The following PORCN variants were observed in gnomAD, a reference collection of about 807,000 sequenced individuals.
PORCN encodes porcupine O-acyltransferase.
A neutral mutation model predicts 43.0 loss-of-function variants in PORCN; 1 was observed. The ratio of observed to expected loss-of-function variants is 0.02; its 90% CI spans 0.01 to 0.11. PORCN has a LOEUF of 0.11. Among genes scored for constraint, PORCN ranks in the 10% least tolerant of loss-of-function variants. The pLI is 1.00. For synonymous variants in PORCN, 148 were observed against 166.4 expected (o/e 0.89, Z 0.85); for missense variants, 240 against 392.1 (o/e 0.61, Z 3.28).
Position 48,520,703 on chromosome X carries a change from G to A in PORCN, c.*227G>A. 2 of 430,976 alleles carry A rather than the reference G, an allele frequency of 4.6e-6. No homozygotes were observed. Among genetic ancestry groups the A allele is most frequent in the Non-Finnish European group, 8.2e-6 (2 of 243,355 alleles). The allele number at this position is 430,976 out of a possible 1,213,427, so 35.5% of individuals were successfully genotyped here. A position where few individuals can be genotyped will look rare whatever the true frequency, so the allele number is the denominator to read the frequency against. ...GGTGGTGCCTGCTGGGGCCTAGAGG[G>A]GGATGCTTGGGGAAACAGAGAAGGG... is the stretch of plus-strand genomic sequence containing the variant. On this transcript the variant is annotated 3_prime_UTR_variant, in exon 15 of 15. Transcript: ENST00000326194.
chrX:48,514,342 C>T lies in PORCN; in HGVS notation c.822C>T (p.Thr274=), dbSNP rs782496390. 8 of 1,209,938 alleles carry T rather than the reference C, an allele frequency of 6.6e-6. No individual in the cohort carries two copies. The highest frequency in any genetic ancestry group is 7.8e-6 in the Non-Finnish European group (7 of 894,976). ...CCACGTTGGCGGGGGCTGGCTTTACCGAGGAGAAGGATCACCTGGAATGGT... is the reference window on the plus strand; with the variant it reads ...CCACGTTGGCGGGGGCTGGCTTTACTGAGGAGAAGGATCACCTGGAATGGT... ...ATATLAGAGF[T]EEKDHLEWDL... is the part of the protein sequence containing the mutation. The change falls in exon 9 of 15, where the codon ACC becomes ACT. Residue 274 remains threonine (T), a synonymous_variant. Coordinates refer to ENST00000326194, the MANE Select transcript of PORCN (RefSeq NM_203475.3).
At chrX:48,516,773 A>T (rs1459890703) in intron 13 of PORCN, among the ~76,000 whole-genome samples, 1 of 110,345 alleles carries the variant, frequency 9.1e-6, no homozygotes, top group African/African-American at 3.3e-5. Flanking sequence ...AGGAGGGGAG[A>T]TGGGTGGGAG....
chrX:48,515,215 G>A (rs908455032), intron 10 of PORCN, among the ~76,000 whole-genome samples: 1 of 112,228 alleles, frequency 8.9e-6, no homozygotes, highest in Admixed American at 9.4e-5. Flanking sequence ...TGAGAGCCAC[G>A]GCAGGGCTCT....
chrX:48,511,521 G>A, intron 3 of PORCN, 34 bp downstream of exon 3: 2 of 1,156,920 alleles, frequency 1.7e-6, no homozygotes, highest in South Asian at 1.8e-5. Context: ...CACACTGTTG[G>A]CTGAAGTGCA....
chrX:48,518,036 G>A lies in PORCN; in HGVS notation c.1284+743G>A, dbSNP rs782258067. Among the ~76,000 whole-genome samples the A allele has an allele frequency of 3.4e-4, 37 of 108,203 alleles. No individual in the cohort carries two copies. The East Asian group carries it at 8.4e-3, about 25-fold the overall frequency. 94.0% of individuals were successfully genotyped at this position (108,203 alleles called of 115,157 possible). A position where few individuals can be genotyped will look rare whatever the true frequency, so the allele number is the denominator to read the frequency against. On this transcript the variant is annotated intron_variant, in intron 14 of 14. Transcript: ENST00000326194. ...CCATCCTTCTGCCTCAACCTCCTGAGTAGCTGGGACTACAGGTGCATGACA... is the reference window on the plus strand; with the variant it reads ...CCATCCTTCTGCCTCAACCTCCTGAATAGCTGGGACTACAGGTGCATGACA...
At position 48,519,952 on chromosome X, in the gene PORCN, G is replaced by A. The variant is rs1442337088; in HGVS notation, c.1285-423G>A. ...GTAGAGGTTGCAGTGAGCTCAGATC[G>A]TGCCACTGCACTCAAGCCTGGGTGA... is the stretch of plus-strand genomic sequence containing the variant. On this transcript the variant is annotated intron_variant, in intron 14 of 14. Transcript: ENST00000326194. 8.9e-5 allele frequency among the ~76,000 whole-genome samples: 10 copies of A among 112,167 alleles called. 1 individual carries two copies. Among genetic ancestry groups the A allele is most frequent in the Admixed American group, 7.5e-4 (8 of 10,633 alleles).
rs1387190633 is a variant in PORCN at position 48,510,298 on chromosome X, C to T, written c.136+342C>T. Among the ~76,000 whole-genome samples, 4 of 112,093 alleles carry T rather than the reference C, an allele frequency of 3.6e-5. 1 individual carries two copies. Among genetic ancestry groups the T allele is most frequent in the African/African-American group, 1.3e-4 (4 of 30,873 alleles). On this transcript the variant is annotated intron_variant, in intron 2 of 14. Coordinates refer to ENST00000326194, the MANE Select transcript of PORCN (RefSeq NM_203475.3). ...ACATCCCAAGGTTATAAGACATTGG[C>T]ATGCTGATGTCACAGGGTTATGGAA...
intron 2 of PORCN, among the ~76,000 whole-genome samples, chrX:48,510,694 C>T (rs2061668138): frequency 8.9e-6 from 1 of 112,277 alleles, no homozygotes; most frequent in South Asian, 3.7e-4. Context: ...CCCACGTATG[C>T]ATCACCAGAT....
At chrX:48,512,897 G>A in intron 7 of PORCN, 45 bp downstream of exon 7, 1 of 1,202,021 alleles carries the variant, frequency 8.3e-7, no homozygotes. Context: ...GGGCTGACAT[G>A]AGTGGGGGCA....
At chrX:48,518,716 G>T (rs1393815178) in intron 14 of PORCN, among the ~76,000 whole-genome samples, 7 of 111,623 alleles carry the variant, frequency 6.3e-5, no homozygotes, top group Non-Finnish European at 1.1e-4. Flanking sequence ...CCAGGTTTTT[G>T]CTTCTCTTTT....
At chrX:48,509,982 AC>A in intron 2 of PORCN, 26 bp downstream of exon 2, 1 of 1,131,452 alleles carries the variant, frequency 8.8e-7, no homozygotes. Context: ...ACCGTGTGCC[AC>A]CATGCCAGGC....
intron 1 of PORCN, 74 bp downstream of exon 1, chrX:48,509,177 C>T: frequency 6.0e-6 from 1 of 167,195 alleles, no homozygotes; most frequent in Non-Finnish European, 1.2e-5. Context: ...GGATCTGTAG[C>T]GCGAGTGCTA....
At chrX:48,509,178 G>T in intron 1 of PORCN, 75 bp downstream of exon 1, 1 of 163,202 alleles carries the variant, frequency 6.1e-6, no homozygotes, top group Admixed American at 6.8e-5. Flanking sequence ...GATCTGTAGC[G>T]CGAGTGCTAG....
At chrX:48,513,568 C>T (rs782722275) in intron 7 of PORCN, among the ~76,000 whole-genome samples, 96 of 112,613 alleles carry the variant, frequency 8.5e-4, no homozygotes, top group Non-Finnish European at 1.6e-3. Flanking sequence ...GAATGAGTCT[C>T]CAAAAGGTCA....
At position 48,516,042 on chromosome X, in the gene PORCN, C is replaced by T. The variant is rs1173977735; in HGVS notation, c.1088-19C>T. 3 of 1,207,537 alleles carry T rather than the reference C, an allele frequency of 2.5e-6. No homozygotes were observed. Among genetic ancestry groups the T allele is most frequent in the Admixed American group, 2.2e-5 (1 of 45,754 alleles). On this transcript the variant is annotated intron_variant, in intron 12 of 14. Coordinates refer to ENST00000326194, the MANE Select transcript of PORCN (RefSeq NM_203475.3). Reference sequence around the variant, plus strand: ...CCCTGAGGCTAACCTGACCCCCTTACCTCTCCCCACCACCCTAGTCCTCCG... The same window carrying T: ...CCCTGAGGCTAACCTGACCCCCTTATCTCTCCCCACCACCCTAGTCCTCCG...
At position 48,520,778 on chromosome X, in the gene PORCN, T is replaced by A. The variant is rs782385562; in HGVS notation, c.*302T>A. The A allele has an allele frequency of 2.0e-5, 7 of 348,862 alleles. No homozygotes were observed. In the East Asian group the frequency reaches 3.8e-4, roughly 19 times the overall value. 28.8% of individuals were successfully genotyped at this position (348,862 alleles called of 1,213,427 possible). A position where few individuals can be genotyped will look rare whatever the true frequency, so the allele number is the denominator to read the frequency against. On this transcript the variant is annotated 3_prime_UTR_variant, in exon 15 of 15. Transcript: ENST00000326194. Reference sequence around the variant, plus strand: ...CTTCTTCCTTTTTATATACAATTTGTTATTGTCAAATAAAAGTAGGAAATA... The same window carrying A: ...CTTCTTCCTTTTTATATACAATTTGATATTGTCAAATAAAAGTAGGAAATA...
At chrX:48,517,353 A>G in intron 14 of PORCN, 60 bp downstream of exon 14, 1 of 838,856 alleles carries the variant, frequency 1.2e-6, no homozygotes, top group Non-Finnish European at 1.7e-6. Flanking sequence ...GCGGGGGGAA[A>G]CCATGAGGAC....
chrX:48,512,878 C>A lies in PORCN; in HGVS notation c.704+26C>A, dbSNP rs782560814. 3 of 1,210,421 alleles carry A rather than the reference C, an allele frequency of 2.5e-6. No individual in the cohort carries two copies. In the South Asian group the frequency reaches 5.3e-5, roughly 21 times the overall value. On this transcript the variant is annotated intron_variant, in intron 7 of 14. Transcript: ENST00000326194. ...GTAAATGAGGGCAGGTGTGAGGGCACGTGGAGTGGGGCTGACATGAGTGGG... is the reference window on the plus strand; with the variant it reads ...GTAAATGAGGGCAGGTGTGAGGGCAAGTGGAGTGGGGCTGACATGAGTGGG...
intron 2 of PORCN, 59 bp from the exon 3 acceptor site, chrX:48,511,236 C>T: frequency 1.2e-6 from 1 of 867,312 alleles, no homozygotes; most frequent in Admixed American, 2.2e-5. Context: ...CTCCCACTCC[C>T]TCTCTTTCTC....
Sources: allele counts gnomAD v4.1 joint callset (sites outside exome capture counted in the v4.1 genomes callset), GRCh38; gene constraint gnomAD v4.1.1; transcripts MANE v1.5; gene names NCBI Gene and HGNC (gene_info 2026-07-23, HGNC 2026-07-21).